Variants in RAPGEF4 observed in about 807,000 individuals in gnomAD.
RAPGEF4 encodes the protein Rap guanine nucleotide exchange factor 4, also known as RAP guanine-nucleotide-exchange factor (GEF) 4.
Under a neutral mutation model 147.9 loss-of-function variants are expected in RAPGEF4, and 66 were observed. The observed-to-expected ratio is 0.45, with a 90% CI of 0.37 to 0.55. The LOEUF (loss-of-function observed/expected upper bound fraction) is 0.55, where lower values mean the gene tolerates loss of function less well. Ranked by LOEUF, RAPGEF4 falls within the 20% of genes least tolerant of loss-of-function variation. The pLI, the probability that RAPGEF4 is intolerant of heterozygous loss-of-function variation, is 0.00. For missense variants in RAPGEF4, 1,071 were observed against 1,257.3 expected (o/e 0.85, Z 2.24); for synonymous variants, 419 against 442.7 (o/e 0.95, Z 0.67).
At chr2:173,050,687 T>G (rs1334840488) in intron 30 of RAPGEF4, among the ~76,000 whole-genome samples, 2 of 151,100 alleles carry the variant, frequency 1.3e-5, no homozygotes, top group Non-Finnish European at 2.9e-5. Flanking sequence ...CCCTTTTATT[T>G]TGAAATAATG....
At chr2:172,824,127 A>C (rs1689411539) in intron 4 of RAPGEF4, among the ~76,000 whole-genome samples, 1 of 152,228 alleles carries the variant, frequency 6.6e-6, no homozygotes, top group African/African-American at 2.4e-5. Flanking sequence ...ATTGTATCAA[A>C]ATATATTATT....
At chr2:172,755,741 CA>C (rs1490724834) in intron 1 of RAPGEF4, among the ~76,000 whole-genome samples, 1 of 152,126 alleles carries the variant, frequency 6.6e-6, no homozygotes, top group East Asian at 1.9e-4. Flanking sequence ...CAGGAAGTTG[CA>C]AAAACATGTA....
intron 4 of RAPGEF4, among the ~76,000 whole-genome samples, chr2:172,817,959 A>ATT (rs202231327): frequency 0.014 from 2,098 of 147,024 alleles, 48 homozygotes; most frequent in African/African-American, 0.05. Flanking sequence ...TATTATATGA[A>ATT]TTATATATAT....
chr2:172,876,438 A>T (rs908185912), intron 4 of RAPGEF4, among the ~76,000 whole-genome samples: 6 of 152,088 alleles, frequency 3.9e-5, no homozygotes, highest in Non-Finnish European at 7.4e-5. Flanking sequence ...TACCTAATTT[A>T]TTGAGAGTTT....
chr2:172,750,409 T>C (rs1202195260), intron 1 of RAPGEF4, among the ~76,000 whole-genome samples: 1 of 151,802 alleles, frequency 6.6e-6, no homozygotes, highest in Admixed American at 6.6e-5. Context: ...AGCAGAAGCG[T>C]TTTTTTCCCT....
intron 30 of RAPGEF4, among the ~76,000 whole-genome samples, chr2:173,050,775 AGG>A (rs1203688255): frequency 3.6e-4 from 54 of 151,350 alleles, no homozygotes; most frequent in African/African-American, 1.1e-3. Context: ...AAAAAAAAAA[AGG>A]AAGATCTGGC....
At chr2:172,913,960 T>G (rs2150017339) in intron 4 of RAPGEF4, among the ~76,000 whole-genome samples, 1 of 152,354 alleles carries the variant, frequency 6.6e-6, no homozygotes, top group African/African-American at 2.4e-5. Context: ...TTTATGTATA[T>G]TCACACACAC....
chr2:172,782,030 A>G (rs1254652717), intron 1 of RAPGEF4, among the ~76,000 whole-genome samples: 2 of 152,154 alleles, frequency 1.3e-5, no homozygotes, highest in African/African-American at 4.8e-5. Context: ...GGGTTCTTCA[A>G]GTTGTCACCA....
chr2:172,982,285 T>C (rs1454597780), intron 10 of RAPGEF4, among the ~76,000 whole-genome samples: 1 of 152,208 alleles, frequency 6.6e-6, no homozygotes, highest in East Asian at 1.9e-4. Flanking sequence ...ACAGTAATAT[T>C]GGATAATACC....
At chr2:172,743,753 C>T (rs1188565520) in intron 1 of RAPGEF4, among the ~76,000 whole-genome samples, 1 of 152,066 alleles carries the variant, frequency 6.6e-6, no homozygotes, top group African/African-American at 2.4e-5. Context: ...TTGATTTCCC[C>T]TTCCTCTCTT....
intron 4 of RAPGEF4, among the ~76,000 whole-genome samples, chr2:172,829,415 C>A (rs942667382): frequency 6.6e-6 from 1 of 152,186 alleles, no homozygotes. Context: ...AGGTGAGCCC[C>A]TGAGCTCATC....
chr2:172,920,936 G>T (rs1256855225), intron 5 of RAPGEF4, among the ~76,000 whole-genome samples: 3 of 152,044 alleles, frequency 2.0e-5, no homozygotes, highest in African/African-American at 7.2e-5. Context: ...CTGTTTCAGA[G>T]AATAGCTCTT....
chr2:172,919,385 A>C (rs968050413), intron 5 of RAPGEF4, among the ~76,000 whole-genome samples: 1 of 152,122 alleles, frequency 6.6e-6, no homozygotes, highest in Non-Finnish European at 1.5e-5. Context: ...TAAAGTTACC[A>C]GTGACCAACC....
intron 4 of RAPGEF4, among the ~76,000 whole-genome samples, chr2:172,905,157 C>T (rs137903037): frequency 1.5e-3 from 227 of 152,240 alleles, no homozygotes; most frequent in African/African-American, 4.9e-3. Context: ...TCTCTGACTC[C>T]CAAATCTGAA....
At chr2:172,900,852 G>C (rs1698994409) in intron 4 of RAPGEF4, among the ~76,000 whole-genome samples, 1 of 152,058 alleles carries the variant, frequency 6.6e-6, no homozygotes, top group Admixed American at 6.5e-5. Flanking sequence ...AATGTTTTAT[G>C]ATTTCTGTTC....
At chr2:173,014,338 AG>A in intron 17 of RAPGEF4, 125 bp from the exon 18 acceptor site, 1 of 1,176,670 alleles carries the variant, frequency 8.5e-7, no homozygotes, top group Non-Finnish European at 1.2e-6. Flanking sequence ...ATGAGGGCCT[AG>A]GGGAGGAATT....
At chr2:173,035,370 G>C (rs1191574103) in intron 27 of RAPGEF4, among the ~76,000 whole-genome samples, 2 of 151,956 alleles carry the variant, frequency 1.3e-5, no homozygotes, top group African/African-American at 2.4e-5. Flanking sequence ...AATTAGCCAG[G>C]CCTGGTGGCA....
At chr2:173,008,814 C>A (rs1018934639) in intron 17 of RAPGEF4, among the ~76,000 whole-genome samples, 1 of 152,026 alleles carries the variant, frequency 6.6e-6, no homozygotes, top group African/African-American at 2.4e-5. Context: ...ATTACAGGTG[C>A]CTGTGGTGAG....
chr2:172,931,177 G>GA (rs1385544409), intron 6 of RAPGEF4, among the ~76,000 whole-genome samples: 2 of 107,964 alleles, frequency 1.9e-5, no homozygotes, highest in East Asian at 3.6e-4. Context: ...CGGGGTGGGG[G>GA]GGGGGGGCGC....
Sources: allele counts gnomAD v4.1 joint callset (sites outside exome capture counted in the v4.1 genomes callset), GRCh38; gene constraint gnomAD v4.1.1; transcripts MANE v1.5; gene names NCBI Gene and HGNC (gene_info 2026-07-23, HGNC 2026-07-21).